CTPS2: variants seen among roughly 807,000 people sequenced by gnomAD.
CTPS2 encodes CTP synthase 2, also known as CTP synthase II.
In CTPS2, 19 loss-of-function variants were observed where a neutral mutation model predicts 46.8. That is an observed-to-expected ratio of 0.41 (90% CI 0.28 to 0.60). CTPS2 has a LOEUF of 0.60. Ranked by LOEUF, CTPS2 falls within the 20% of genes least tolerant of loss-of-function variation. CTPS2 has a pLI of 0.35. For missense variants in CTPS2, 286 were observed against 447.6 expected, an observed-to-expected ratio of 0.64 and a Z score of 3.26; for synonymous variants, 151 against 165.2, an observed-to-expected ratio of 0.91 and a Z score of 0.66.
rs760102707 is a variant in CTPS2 at position 16,693,134 on chromosome X, A to G, written c.639+7T>C. 14 of 1,188,908 alleles carry G rather than the reference A, an allele frequency of 1.2e-5. No homozygotes were observed. The South Asian group carries it at 1.9e-4, about 17-fold the overall frequency. Reference sequence around the variant, plus strand: ...CAGGATAGACTTACCCACTGTCCTCAACTCACCAGATCTGGAGACAGGCCT... The same window carrying G: ...CAGGATAGACTTACCCACTGTCCTCGACTCACCAGATCTGGAGACAGGCCT... On this transcript the variant is annotated splice_region_variant and intron_variant, in intron 6 of 18. Coordinates refer to ENST00000359276, the MANE Select transcript of CTPS2 (RefSeq NM_175859.3).
In CTPS2 at chrX:16,689,424, T is replaced by A. The variant is rs769604503; in HGVS notation, c.872+26A>T. 8 of 1,198,662 alleles carry A rather than the reference T, an allele frequency of 6.7e-6. No individual in the cohort carries two copies. In the South Asian group the frequency reaches 1.3e-4, roughly 19 times the overall value. ...CCCCAAACTCAAAAATTATTAAAGATTATACAAGTAATTCCTTTCGCTTAC... is the reference window on the plus strand; with the variant it reads ...CCCCAAACTCAAAAATTATTAAAGAATATACAAGTAATTCCTTTCGCTTAC... On this transcript the variant is annotated intron_variant, in intron 8 of 18. Coordinates refer to ENST00000359276, the MANE Select transcript of CTPS2 (RefSeq NM_175859.3).
At chrX:16,650,398 G>T (rs935864264) in intron 13 of CTPS2, among the ~76,000 whole-genome samples, 1 of 110,997 alleles carries the variant, frequency 9.0e-6, no homozygotes, top group African/African-American at 3.3e-5. Flanking sequence ...TGCAGATCAG[G>T]TACATAAAAA....
At chrX:16,618,616 T>C (rs1930655662) in intron 15 of CTPS2, among the ~76,000 whole-genome samples, 1 of 111,977 alleles carries the variant, frequency 8.9e-6, no homozygotes, top group Non-Finnish European at 1.9e-5. Context: ...CTTGTTATTA[T>C]TGTCTGTGCT....
At chrX:16,685,727 C>T (rs1334302471) in intron 8 of CTPS2, among the ~76,000 whole-genome samples, 5 of 106,508 alleles carry the variant, frequency 4.7e-5, no homozygotes, top group South Asian at 8.7e-4. Flanking sequence ...ATTAGCCGGG[C>T]GTGGTGGTGG....
At chrX:16,672,881 C>CTTTTTTTTTTTT (rs1185799196) in intron 10 of CTPS2, among the ~76,000 whole-genome samples, 2 of 69,576 alleles carry the variant, frequency 2.9e-5, no homozygotes, top group African/African-American at 1.3e-4. Context: ...TGAGGCTACT[C>CTTTTTTTTTTTT]TTTTTTTTTT....
In CTPS2 at chrX:16,691,449, G is replaced by A. The variant is rs1391722823; in HGVS notation, c.720+91C>T. ...GTTCCCCAGTGCTTGCATAAATGCCGTGAAAAGTAATATGATCATTGAAGA... is the reference window on the plus strand; with the variant it reads ...GTTCCCCAGTGCTTGCATAAATGCCATGAAAAGTAATATGATCATTGAAGA... On this transcript the variant is annotated intron_variant, in intron 7 of 18. Coordinates refer to ENST00000359276, the MANE Select transcript of CTPS2 (RefSeq NM_175859.3). 5.8e-5 allele frequency: 44 copies of A among 762,624 alleles called. No individual in the cohort carries two copies. In the South Asian group the frequency reaches 5.9e-4, roughly 10 times the overall value. 62.8% of individuals were successfully genotyped at this position (762,624 alleles called of 1,213,427 possible).
At chrX:16,637,062 T>C (rs1297152109) in intron 14 of CTPS2, among the ~76,000 whole-genome samples, 1 of 112,281 alleles carries the variant, frequency 8.9e-6, no homozygotes, top group Non-Finnish European at 1.9e-5. Context: ...ATGAAAATCA[T>C]CAAATCATCA....
At chrX:16,631,240 CG>C (rs1242746192) in intron 14 of CTPS2, among the ~76,000 whole-genome samples, 1 of 109,962 alleles carries the variant, frequency 9.1e-6, no homozygotes, top group Non-Finnish European at 1.9e-5. Flanking sequence ...TCCAGCTACT[CG>C]GGTGGCTGAG....
intron 13 of CTPS2, among the ~76,000 whole-genome samples, chrX:16,662,819 T>A (rs950342619): frequency 4.5e-5 from 5 of 110,906 alleles, no homozygotes; most frequent in African/African-American, 1.6e-4. Context: ...GCTTTTATTG[T>A]TCTCATCTCA....
chrX:16,609,609 C>T lies in CTPS2; in HGVS notation c.1623G>A (p.Leu541=), dbSNP rs1177044667. The change falls in exon 17 of 19, where the codon CTG becomes CTA. Residue 541 remains leucine, a synonymous_variant. Transcript: ENST00000359276. ...TCCCAGTTGCTGCAAGTAACAGCCC[C>T]AGATACGGAGGGGAAGGCTTCATCG... ...SRPMKPSPPY[L]GLLLAATGNL... 2 of 1,211,214 alleles carry T rather than the reference C, an allele frequency of 1.7e-6. No homozygotes were observed. Among genetic ancestry groups the T allele is most frequent in the Non-Finnish European group, 2.2e-6 (2 of 895,122 alleles).
chrX:16,705,620 A>C (rs1449672891), intron 1 of CTPS2, among the ~76,000 whole-genome samples: 4 of 112,111 alleles, frequency 3.6e-5, no homozygotes, highest in Non-Finnish European at 5.6e-5. Flanking sequence ...TATTTAGCCA[A>C]CCCATTCAGC....
intron 17 of CTPS2, among the ~76,000 whole-genome samples, chrX:16,602,072 G>A (rs1287037265): frequency 1.8e-5 from 2 of 111,901 alleles, no homozygotes; most frequent in African/African-American, 6.5e-5. Flanking sequence ...GGAGGAATCT[G>A]AGCTTCCCCA....
chrX:16,629,758 C>T (rs1044472846), intron 14 of CTPS2, among the ~76,000 whole-genome samples: 4 of 111,955 alleles, frequency 3.6e-5, no homozygotes, highest in Admixed American at 9.5e-5. Flanking sequence ...AAATTTTAGA[C>T]TTAACCACTC....
chrX:16,651,150 C>T, intron 13 of CTPS2: 1 of 1,187,589 alleles, frequency 8.4e-7, no homozygotes, highest in Non-Finnish European at 1.1e-6. Context: ...AAGTAAGTGG[C>T]CATCCGCAGA....
At chrX:16,631,574 C>T (rs1569203390) in intron 14 of CTPS2, among the ~76,000 whole-genome samples, 1 of 111,759 alleles carries the variant, frequency 8.9e-6, no homozygotes, top group Non-Finnish European at 1.9e-5. Flanking sequence ...TAAATTCACA[C>T]ACACCAGATT....
chrX:16,690,110 C>A (rs1355573587), intron 7 of CTPS2, among the ~76,000 whole-genome samples: 1 of 108,232 alleles, frequency 9.2e-6, no homozygotes, highest in African/African-American at 3.4e-5. Context: ...GTGGCTCACG[C>A]CTGTAATTCC....
intron 1 of CTPS2, among the ~76,000 whole-genome samples, chrX:16,711,143 C>T (rs1406975971): frequency 2.7e-5 from 3 of 111,868 alleles, no homozygotes; most frequent in Non-Finnish European, 5.6e-5. Context: ...CAGCCAGGTA[C>T]GTAATTTTAA....
intron 9 of CTPS2, among the ~76,000 whole-genome samples, chrX:16,680,793 C>T (rs1349404566): frequency 1.8e-5 from 2 of 111,005 alleles, no homozygotes; most frequent in African/African-American, 3.3e-5. Flanking sequence ...TGGTGGCTCA[C>T]GCCTGTAATC....
At chrX:16,700,309 G>A (rs1924458159) in intron 2 of CTPS2, among the ~76,000 whole-genome samples, 1 of 109,507 alleles carries the variant, frequency 9.1e-6, no homozygotes, top group African/African-American at 3.3e-5. Context: ...AGTACAGACA[G>A]GTTTTTACCA....
Sources: gnomAD v4.1 joint callset for allele counts (sites outside exome capture counted in the v4.1 genomes callset) on GRCh38, gnomAD v4.1.1 for gene constraint, MANE v1.5 for transcripts, NCBI Gene and HGNC (gene_info 2026-07-23, HGNC 2026-07-21) for gene names.